The following SLIT3 variants were observed in gnomAD, a reference collection of about 807,000 sequenced individuals.
SLIT3 encodes slit homolog 3 protein.
A neutral mutation model predicts 184.0 loss-of-function variants in SLIT3; 68 were observed. That is an observed-to-expected ratio of 0.37 (90% CI 0.30 to 0.45). SLIT3 has a LOEUF of 0.45. Among genes scored for constraint, SLIT3 ranks in the 20% least tolerant of loss-of-function variants. SLIT3 has a pLI of 1.00. For synonymous variants in SLIT3, 831 were observed against 828.6 expected, an observed-to-expected ratio of 1.00 and a Z score of -0.05; for missense variants, 1,707 against 2,026.0, an observed-to-expected ratio of 0.84 and a Z score of 3.02.
At chr5:169,209,157 T>G (rs1294999319) in intron 3 of SLIT3, among the ~76,000 whole-genome samples, 1 of 152,210 alleles carries the variant, frequency 6.6e-6, no homozygotes, top group Admixed American at 6.5e-5. Context: ...GGACAGATAC[T>G]TCTCAAAAGA....
chr5:169,260,317 A>T (rs1391602999), intron 1 of SLIT3, among the ~76,000 whole-genome samples: 1 of 152,160 alleles, frequency 6.6e-6, no homozygotes, highest in Non-Finnish European at 1.5e-5. Flanking sequence ...CAGTGGCCTC[A>T]GTTTCAGTTA....
chr5:169,020,116 G>A (rs1278670392), intron 4 of SLIT3, among the ~76,000 whole-genome samples: 1 of 149,566 alleles, frequency 6.7e-6, no homozygotes. Flanking sequence ...GAGGTGAGTG[G>A]TTAAGAGAGA....
At chr5:169,012,061 C>G in intron 4 of SLIT3, 1 of 151,278 alleles carries the variant, frequency 6.6e-6, no homozygotes, top group Non-Finnish European at 1.5e-5. Flanking sequence ...TACTAAATAG[C>G]AAATACAAAT....
At chr5:169,151,270 C>T (rs755943354) in intron 4 of SLIT3, among the ~76,000 whole-genome samples, 6 of 152,156 alleles carry the variant, frequency 3.9e-5, no homozygotes, top group African/African-American at 7.2e-5. Context: ...AGCCCATTGC[C>T]GCCTGGGAGT....
intron 16 of SLIT3, among the ~76,000 whole-genome samples, chr5:168,759,632 G>A (rs1344111877): frequency 2.0e-5 from 3 of 152,200 alleles, no homozygotes; most frequent in African/African-American, 7.2e-5. Context: ...GGCAGAGCGT[G>A]GCCTCGCTCG....
chr5:168,707,985 G>A lies in SLIT3; in HGVS notation c.2835C>T (p.Tyr945=), dbSNP rs2113307389. 1 of 1,614,180 alleles carries A rather than the reference G, an allele frequency of 6.2e-7. No homozygotes were observed. The highest frequency in any genetic ancestry group is 2.2e-5 in the East Asian group (1 of 44,870). The change falls in exon 26 of 36, where the codon TAC becomes TAT. Residue 945 remains tyrosine, a synonymous_variant. Coordinates refer to ENST00000519560, the MANE Select transcript of SLIT3 (RefSeq NM_003062.4). The stretch of plus-strand genomic sequence containing the variant: ...AGGGCCTCCAGCATACCTTGTAGCT[G>A]TAGGGGCAGGCACAGCGGTACAGCT... ...PVELYRCACP[Y]SYKGKDCTVP... is the part of the protein sequence containing the mutation.
intron 4 of SLIT3, among the ~76,000 whole-genome samples, chr5:169,020,761 A>C (rs1044861745): frequency 2.6e-5 from 4 of 152,218 alleles, no homozygotes; most frequent in African/African-American, 9.6e-5. Context: ...GTAAAGGGGA[A>C]AGAGAAACAC....
intron 4 of SLIT3, among the ~76,000 whole-genome samples, chr5:168,903,735 C>A (rs2113038845): frequency 6.6e-6 from 1 of 152,298 alleles, no homozygotes. Context: ...TTGTCCCTGA[C>A]CTCCCACTAT....
intron 4 of SLIT3, among the ~76,000 whole-genome samples, chr5:169,120,522 T>C (rs1042056184): frequency 1.3e-5 from 2 of 152,192 alleles, no homozygotes; most frequent in Non-Finnish European, 2.9e-5. Context: ...CCTAGGATTT[T>C]AAGAGTGAAT....
At chr5:168,846,412 T>C (rs1177322294) in intron 5 of SLIT3, among the ~76,000 whole-genome samples, 4 of 152,152 alleles carry the variant, frequency 2.6e-5, no homozygotes, top group South Asian at 4.1e-4. Context: ...CTCTTTTTCA[T>C]AGATTTCTTG....
chr5:168,777,871 A>T (rs368392550), intron 12 of SLIT3, among the ~76,000 whole-genome samples: 13 of 152,178 alleles, frequency 8.5e-5, no homozygotes, highest in African/African-American at 2.9e-4. Context: ...CAGCTAGTCA[A>T]CTCAGCCTGG....
intron 1 of SLIT3, among the ~76,000 whole-genome samples, chr5:169,289,583 A>C (rs1767270425): frequency 6.6e-6 from 1 of 152,256 alleles, no homozygotes; most frequent in Non-Finnish European, 1.5e-5. Flanking sequence ...TTTCCAGGGC[A>C]GAACTCTGAG....
chr5:169,112,183 C>T (rs1581421378), intron 4 of SLIT3, among the ~76,000 whole-genome samples: 1 of 152,180 alleles, frequency 6.6e-6, no homozygotes. Flanking sequence ...GCAGGAGAGG[C>T]ACCGGGGCTA....
intron 4 of SLIT3, chr5:169,023,631 T>G (rs62379477): frequency 0.09 from 13,633 of 151,922 alleles, 957 homozygotes; most frequent in African/African-American, 0.2. Flanking sequence ...CACAGCTACC[T>G]GCTCTCACTC....
chr5:168,866,789 G>T (rs964478189), intron 5 of SLIT3, among the ~76,000 whole-genome samples: 2 of 152,220 alleles, frequency 1.3e-5, no homozygotes, highest in Middle Eastern at 3.4e-3. Flanking sequence ...AACCCCACTG[G>T]GTTGTTACAG....
chr5:168,795,313 C>T (rs549783934), intron 10 of SLIT3, among the ~76,000 whole-genome samples, 194 bp downstream of exon 10: 1 of 152,264 alleles, frequency 6.6e-6, no homozygotes, highest in African/African-American at 2.4e-5. Context: ...TGTCCAAGCC[C>T]ACACACCTCA....
rs747746239 is a variant in SLIT3, at chr5:168,798,223, C to CTTTT, written c.936-2649_936-2646dup. ...TTGGTTTTCTTTTCTTCTTCTTCTT[C>CTTTT]TTTTTTTTTTTTTTTTAAGAGACAG... On this transcript the variant is annotated intron_variant, in intron 9 of 35. Transcript: ENST00000519560. Among the ~76,000 whole-genome samples, 13 of 109,028 alleles carry CTTTT rather than the reference C, an allele frequency of 1.2e-4. No individual in the cohort carries two copies. In the South Asian group the frequency reaches 1.8e-3, roughly 15 times the overall value. 71.5% of individuals were successfully genotyped at this position (109,028 alleles called of 152,430 possible).
intron 4 of SLIT3, among the ~76,000 whole-genome samples, chr5:169,111,114 G>T (rs536256456): frequency 6.6e-6 from 1 of 151,972 alleles, no homozygotes; most frequent in Non-Finnish European, 1.5e-5. Flanking sequence ...TTTTCACCTC[G>T]TCTCTACCTG....
intron 3 of SLIT3, among the ~76,000 whole-genome samples, chr5:169,213,771 T>C (rs565817157): frequency 6.5e-4 from 99 of 152,348 alleles, no homozygotes; most frequent in Non-Finnish European, 7.5e-4. Context: ...CTTCCTACTA[T>C]ATCCCCAGAA....
Sources: gnomAD v4.1 joint callset for allele counts (sites outside exome capture counted in the v4.1 genomes callset) on GRCh38, gnomAD v4.1.1 for gene constraint, MANE v1.5 for transcripts, NCBI Gene and HGNC (gene_info 2026-07-23, HGNC 2026-07-21) for gene names.